Variants in TFCP2 observed in about 807,000 individuals in gnomAD.
The protein encoded by TFCP2 is transcription factor CP2.
A neutral mutation model predicts 73.4 loss-of-function variants in TFCP2; 33 were observed. The ratio of observed to expected loss-of-function variants is 0.45; its 90% CI spans 0.34 to 0.60. TFCP2 has a LOEUF of 0.60. Among genes scored for constraint, TFCP2 ranks in the 20% least tolerant of loss-of-function variants. The pLI is 0.01. For missense variants in TFCP2, 352 were observed against 604.0 expected, an observed-to-expected ratio of 0.58 and a Z score of 4.37; for synonymous variants, 193 against 211.6, an observed-to-expected ratio of 0.91 and a Z score of 0.76.
intron 1 of TFCP2, among the ~76,000 whole-genome samples, chr12:51,122,394 G>A (rs1282803547): frequency 6.6e-6 from 1 of 151,338 alleles, no homozygotes; most frequent in Non-Finnish European, 1.5e-5. Context: ...GGGTAGCTGG[G>A]ATTACAGGCA....
At chr12:51,165,927 C>T (rs1404358784) in intron 1 of TFCP2, among the ~76,000 whole-genome samples, 6 of 151,710 alleles carry the variant, frequency 4.0e-5, no homozygotes, top group Admixed American at 3.9e-4. Flanking sequence ...GGCAGGACTG[C>T]TTGATCCCCG....
At chr12:51,164,380 C>CCT (rs1941710085) in intron 1 of TFCP2, among the ~76,000 whole-genome samples, 1 of 152,028 alleles carries the variant, frequency 6.6e-6, no homozygotes. Flanking sequence ...GGGCAGATCA[C>CCT]AAGGTCAGGA....
In TFCP2 at chr12:51,110,985, T is replaced by G. The variant is rs1183680865; in HGVS notation, c.458-2A>C. The G allele has an allele frequency of 6.2e-7, 1 of 1,602,670 alleles. No individual in the cohort carries two copies. Among genetic ancestry groups the G allele is most frequent in the Non-Finnish European group, 8.5e-7 (1 of 1,169,718 alleles). Reference sequence around the variant, plus strand: ...TTATACCCACAGACATCGGGATATCTGAGAAACAAAATGGTAATCATTGAA... The same window carrying G: ...TTATACCCACAGACATCGGGATATCGGAGAAACAAAATGGTAATCATTGAA... On this transcript the variant is annotated splice_acceptor_variant, in intron 4 of 14. Coordinates refer to ENST00000257915, the MANE Select transcript of TFCP2 (RefSeq NM_005653.5). LOFTEE classifies it high-confidence loss of function.
chr12:51,134,534 C>T (rs1941019829), intron 1 of TFCP2, among the ~76,000 whole-genome samples: 1 of 152,304 alleles, frequency 6.6e-6, no homozygotes, highest in Non-Finnish European at 1.5e-5. Context: ...GATCCGCCAG[C>T]CTCAGCCTCC....
intron 1 of TFCP2, among the ~76,000 whole-genome samples, chr12:51,128,926 G>A (rs568214339): frequency 2.0e-5 from 3 of 152,212 alleles, no homozygotes; most frequent in African/African-American, 7.2e-5. Flanking sequence ...TAAGTGGCTG[G>A]AACAGGAGGC....
intron 1 of TFCP2, among the ~76,000 whole-genome samples, chr12:51,160,966 G>A (rs1016083429): frequency 1.3e-5 from 2 of 152,146 alleles, no homozygotes; most frequent in Non-Finnish European, 1.5e-5. Flanking sequence ...TGATTGCTGA[G>A]GAGCTGCCAG....
intron 1 of TFCP2, among the ~76,000 whole-genome samples, chr12:51,152,745 G>A (rs995086213): frequency 6.6e-6 from 1 of 152,142 alleles, no homozygotes; most frequent in African/African-American, 2.4e-5. Flanking sequence ...TAGTATTCAT[G>A]CAAATATTAT....
intron 1 of TFCP2, among the ~76,000 whole-genome samples, chr12:51,119,096 T>G (rs1940599216): frequency 1.3e-5 from 2 of 152,248 alleles, no homozygotes; most frequent in Admixed American, 1.3e-4. Context: ...AGTAACGTCT[T>G]CATTCTCAGA....
intron 1 of TFCP2, among the ~76,000 whole-genome samples, chr12:51,127,765 T>A (rs116792540): frequency 2.0e-3 from 299 of 152,270 alleles, no homozygotes; most frequent in Middle Eastern, 0.014. Flanking sequence ...TCTCTCTAAA[T>A]GAATAAAAAA....
At chr12:51,165,791 C>T (rs1941745996) in intron 1 of TFCP2, among the ~76,000 whole-genome samples, 1 of 152,178 alleles carries the variant, frequency 6.6e-6, no homozygotes, top group Admixed American at 6.5e-5. Context: ...TAAACACACA[C>T]ATACACACAT....
intron 1 of TFCP2, among the ~76,000 whole-genome samples, chr12:51,158,327 A>G (rs995748615): frequency 2.6e-5 from 4 of 152,038 alleles, no homozygotes; most frequent in Non-Finnish European, 4.4e-5. Context: ...ATAATCTTAT[A>G]GGACCACTGT....
intron 1 of TFCP2, among the ~76,000 whole-genome samples, chr12:51,169,096 C>T (rs545244941): frequency 5.3e-4 from 81 of 152,230 alleles, no homozygotes; most frequent in African/African-American, 1.9e-3. Context: ...GCCACCACAC[C>T]TGGTCCCCAA....
At chr12:51,107,037 T>C (rs1018221127) in intron 7 of TFCP2, 199 bp downstream of exon 7, 2 of 610,572 alleles carry the variant, frequency 3.3e-6, no homozygotes, top group Non-Finnish European at 5.8e-6. Flanking sequence ...TGGGGAAAGA[T>C]AACTTGGACA....
intron 1 of TFCP2, among the ~76,000 whole-genome samples, chr12:51,167,924 G>C (rs906475465): frequency 6.6e-6 from 1 of 152,014 alleles, no homozygotes. Flanking sequence ...GGCCAGGTGT[G>C]GTGGTGTGAC....
intron 4 of TFCP2, among the ~76,000 whole-genome samples, chr12:51,115,441 C>T (rs1489020411): frequency 6.6e-6 from 1 of 151,900 alleles, no homozygotes; most frequent in African/African-American, 2.4e-5. Flanking sequence ...CTTTGAGTAC[C>T]GCTGGTAGAA....
chr12:51,158,335 TG>T (rs1311672120), intron 1 of TFCP2, among the ~76,000 whole-genome samples: 1 of 151,924 alleles, frequency 6.6e-6, no homozygotes, highest in Non-Finnish European at 1.5e-5. Context: ...ATAGGACCAC[TG>T]TTATCTATTC....
Position 51,098,524 on chromosome 12 carries a change from G to A in TFCP2, c.1419+252C>T, listed in dbSNP as rs995126843. 3.9e-5 allele frequency among the ~76,000 whole-genome samples: 6 copies of A among 152,040 alleles called. No individual in the cohort carries two copies. The South Asian group carries it at 8.3e-4, about 21-fold the overall frequency. ...GCCTGTAATTCCCACTATTCGGGAA[G>A]CTGAGACAGGAGAATCACTTGAATC... On this transcript the variant is annotated intron_variant, in intron 13 of 14. Coordinates refer to ENST00000257915, the MANE Select transcript of TFCP2 (RefSeq NM_005653.5).
intron 4 of TFCP2, 89 bp downstream of exon 4, chr12:51,116,226 T>A (rs1393282337): frequency 5.1e-6 from 3 of 582,882 alleles, no homozygotes; most frequent in Non-Finnish European, 3.0e-6. Context: ...CTCTCAAGCA[T>A]ATGAATCAAG....
At chr12:51,116,690 T>A (rs1940535797) in intron 3 of TFCP2, among the ~76,000 whole-genome samples, 1 of 151,282 alleles carries the variant, frequency 6.6e-6, no homozygotes. Flanking sequence ...TGATCTCGGC[T>A]CACCGCAACC....
Sources: allele counts gnomAD v4.1 joint callset (sites outside exome capture counted in the v4.1 genomes callset), GRCh38; gene constraint gnomAD v4.1.1; transcripts MANE v1.5; gene names NCBI Gene and HGNC (gene_info 2026-07-23, HGNC 2026-07-21).